ADAM2: variants seen among roughly 807,000 people sequenced by gnomAD.
ADAM2 encodes the protein disintegrin and metalloproteinase domain-containing protein 2.
ADAM2 carries 101 observed loss-of-function variants against 99.3 expected under a neutral mutation model. The observed-to-expected ratio is 1.02, with a 90% CI of 0.87 to 1.20. The LOEUF is 1.20. Among genes scored for constraint, ADAM2 ranks in the 50% most tolerant of loss-of-function variants. The pLI is 0.00. For synonymous variants in ADAM2, 323 were observed against 287.6 expected, an observed-to-expected ratio of 1.12 and a Z score of -1.25; for missense variants, 948 against 878.7, an observed-to-expected ratio of 1.08 and a Z score of -1.00.
At chr8:39,777,664 GA>G (rs1198024768) in intron 10 of ADAM2, among the ~76,000 whole-genome samples, 2 of 151,888 alleles carry the variant, frequency 1.3e-5, no homozygotes, top group African/African-American at 4.8e-5. Context: ...TGTATATGTT[GA>G]AATATGTGAG....
intron 11 of ADAM2, among the ~76,000 whole-genome samples, chr8:39,775,445 T>G (rs1206787561): frequency 6.6e-6 from 1 of 152,064 alleles, no homozygotes; most frequent in Admixed American, 6.6e-5. Context: ...TAGGAATCTG[T>G]GTAGATTCCA....
chr8:39,816,635 G>A (rs1428664336), intron 6 of ADAM2, among the ~76,000 whole-genome samples: 2 of 152,110 alleles, frequency 1.3e-5, no homozygotes, highest in Non-Finnish European at 1.5e-5. Flanking sequence ...ATATAAAAGA[G>A]GTACTGATGA....
At position 39,755,925 on chromosome 8, in the gene ADAM2, A is replaced by G; in HGVS notation, c.1614-14T>C. 2 of 1,320,332 alleles carry G rather than the reference A, an allele frequency of 1.5e-6. No homozygotes were observed. The highest frequency in any genetic ancestry group is 2.8e-5 in the South Asian group (2 of 71,650). 81.8% of individuals were successfully genotyped at this position (1,320,332 alleles called of 1,614,324 possible). On this transcript the variant is annotated splice_polypyrimidine_tract_variant and intron_variant, in intron 15 of 20. Transcript: ENST00000265708. ...CACTGCAGATTGCTATAATTTATCC[A>G]CAAATAAAAATTATTAATTTTAATT...
chr8:39,814,697 G>T (rs187406399), intron 6 of ADAM2, among the ~76,000 whole-genome samples: 1 of 152,202 alleles, frequency 6.6e-6, no homozygotes, highest in East Asian at 1.9e-4. Context: ...TGGGGTGTGT[G>T]GGTGCGGGTG....
At chr8:39,812,496 G>A (rs1804747532) in intron 6 of ADAM2, among the ~76,000 whole-genome samples, 1 of 152,134 alleles carries the variant, frequency 6.6e-6, no homozygotes, top group South Asian at 2.1e-4. Context: ...GAACAAAGCT[G>A]GAGGCATCAC....
intron 3 of ADAM2, among the ~76,000 whole-genome samples, chr8:39,831,389 C>T (rs1805610937): frequency 6.6e-6 from 1 of 152,008 alleles, no homozygotes; most frequent in Admixed American, 6.6e-5. Context: ...ATAAAACCAC[C>T]CCTGAAGAGA....
At chr8:39,790,486 A>G (rs1803661011) in intron 7 of ADAM2, among the ~76,000 whole-genome samples, 2 of 151,974 alleles carry the variant, frequency 1.3e-5, no homozygotes, top group African/African-American at 4.8e-5. Context: ...CTGTATGTTC[A>G]AAAAGTAAAT....
At chr8:39,825,437 T>C (rs1805359426) in intron 3 of ADAM2, among the ~76,000 whole-genome samples, 1 of 152,070 alleles carries the variant, frequency 6.6e-6, no homozygotes, top group Non-Finnish European at 1.5e-5. Flanking sequence ...TTTGCATCTA[T>C]GTTGTTACTA....
intron 10 of ADAM2, among the ~76,000 whole-genome samples, chr8:39,781,293 A>ATG (rs370199280): frequency 2.0e-5 from 3 of 151,860 alleles, no homozygotes; most frequent in Admixed American, 6.6e-5. Flanking sequence ...GTGTGTGCGC[A>ATG]TGTGTGTGTG....
intron 7 of ADAM2, among the ~76,000 whole-genome samples, chr8:39,789,652 TAATATTTGAAGAAGAATCCAAGA>T (rs1036739993): frequency 3.3e-5 from 5 of 151,748 alleles, no homozygotes; most frequent in African/African-American, 4.8e-5. Flanking sequence ...TACAGTCAAT[TAATATTTGAAGAAGAATCCAAGA>T]AAATCAAATG....
intron 7 of ADAM2, among the ~76,000 whole-genome samples, chr8:39,791,463 CT>C: frequency 6.6e-6 from 1 of 152,052 alleles, no homozygotes; most frequent in East Asian, 1.9e-4. Context: ...ATTCTGCTCT[CT>C]GACAGTCTTT....
chr8:39,825,734 A>G (rs940735859), intron 3 of ADAM2, among the ~76,000 whole-genome samples: 2 of 152,188 alleles, frequency 1.3e-5, no homozygotes, highest in Non-Finnish European at 2.9e-5. Flanking sequence ...CCAATTAACA[A>G]ATAATACAGC....
At chr8:39,821,753 T>G in intron 4 of ADAM2, 91 bp from the exon 5 acceptor site, 1 of 889,112 alleles carries the variant, frequency 1.1e-6, no homozygotes, top group Non-Finnish European at 1.8e-6. Flanking sequence ...GTTTTGTTTT[T>G]ATGCATCAAA....
At position 39,745,044 on chromosome 8, in the gene ADAM2, T is replaced by G. The variant is rs2129582486; in HGVS notation, c.2175-151A>C. ...AGAATACCCTATCACTGAGAACATC[T>G]CTGCCCTGGTAATCAAGACTAATAA... On this transcript the variant is annotated intron_variant, in intron 19 of 20. Coordinates refer to ENST00000265708, the MANE Select transcript of ADAM2 (RefSeq NM_001464.5). 4 of 566,644 alleles carry G rather than the reference T, an allele frequency of 7.1e-6. No homozygotes were observed. In the East Asian group the frequency reaches 1.2e-4, roughly 17 times the overall value. 35.1% of individuals were successfully genotyped at this position (566,644 alleles called of 1,614,324 possible). A position where few individuals can be genotyped will look rare whatever the true frequency, so the allele number is the denominator to read the frequency against.
In ADAM2 at chr8:39,767,896, TCACACA is replaced by T. The variant is rs57655234; in HGVS notation, c.1213-651_1213-646del. 6.4e-3 allele frequency among the ~76,000 whole-genome samples: 941 copies of T among 147,882 alleles called. 10 individuals are homozygous for T. Among genetic ancestry groups the T allele is most frequent in the African/African-American group, 0.022 (883 of 40,556 alleles). ...ATAAGAAGGCTAAAAGACAATGCAT[TCACACA>T]CACACACACACACACACACACACTC... On this transcript the variant is annotated intron_variant, in intron 12 of 20. Coordinates refer to ENST00000265708, the MANE Select transcript of ADAM2 (RefSeq NM_001464.5).
chr8:39,791,903 T>G (rs1398231800), intron 7 of ADAM2, among the ~76,000 whole-genome samples: 1 of 152,050 alleles, frequency 6.6e-6, no homozygotes, highest in Non-Finnish European at 1.5e-5. Context: ...ATCAAACACT[T>G]AAAAACTGTT....
chr8:39,775,021 C>T (rs60589234), intron 11 of ADAM2, among the ~76,000 whole-genome samples: 3 of 151,860 alleles, frequency 2.0e-5, no homozygotes, highest in South Asian at 4.2e-4. Flanking sequence ...GAGGAAAGGT[C>T]GATATCAGCA....
intron 16 of ADAM2, among the ~76,000 whole-genome samples, chr8:39,752,911 T>C (rs1802003493): frequency 6.6e-6 from 1 of 152,188 alleles, no homozygotes; most frequent in Admixed American, 6.5e-5. Flanking sequence ...GTGAGTCCAT[T>C]AAATCTTGTT....
intron 13 of ADAM2, 42 bp from the exon 14 acceptor site, chr8:39,767,085 G>A (rs1802597757): frequency 7.5e-6 from 12 of 1,601,860 alleles, no homozygotes; most frequent in Non-Finnish European, 9.4e-6. Flanking sequence ...AGCAGAATGA[G>A]AATACATAAG....
Sources: allele counts gnomAD v4.1 joint callset (sites outside exome capture counted in the v4.1 genomes callset), GRCh38; gene constraint gnomAD v4.1.1; transcripts MANE v1.5; gene names NCBI Gene and HGNC (gene_info 2026-07-23, HGNC 2026-07-21).